Variants in LSG1 observed in about 807,000 individuals in gnomAD.
LSG1 encodes large 60S subunit nuclear export GTPase 1, also known as large subunit GTPase 1 homolog.
LSG1 carries 55 observed loss-of-function variants against 82.6 expected under a neutral mutation model. The observed-to-expected ratio is 0.67, with a 90% CI of 0.54 to 0.83. The LOEUF (loss-of-function observed/expected upper bound fraction) is 0.83. Among genes scored for constraint, LSG1 ranks in the 40% least tolerant of loss-of-function variants. The pLI, the probability that LSG1 is intolerant of heterozygous loss-of-function variation, is 0.00. For missense variants in LSG1, 809 were observed against 807.9 expected, an observed-to-expected ratio of 1.00 and a Z score of -0.02; for synonymous variants, 272 against 282.5, an observed-to-expected ratio of 0.96 and a Z score of 0.37.
In LSG1 at chr3:194,652,909, G is replaced by A. The variant is rs766896623; in HGVS notation, c.993C>T (p.Asp331=). Residue 331 remains aspartate, a synonymous_variant, in exon 8 of 14, where the codon GAC becomes GAT. Transcript: ENST00000265245. ...CSEEDGPKEE[D]CSQDWKESST... is the part of the protein sequence containing the mutation. ...AGCTTTCCTTCCAGTCCTGGCTGCA[G>A]TCCTCTTCCTTGGGACCGTCTTCTT... 2.5e-6 allele frequency: 4 copies of A among 1,614,024 alleles called. No individual in the cohort carries two copies. The African/African-American group carries it at 4.0e-5, about 16-fold the overall frequency.
intron 5 of LSG1, among the ~76,000 whole-genome samples, chr3:194,661,176 CCT>C (rs1349448627): frequency 1.3e-5 from 2 of 152,198 alleles, no homozygotes; most frequent in African/African-American, 4.8e-5. Context: ...TCAGCATAAT[CCT>C]CTGACACAAA....
At chr3:194,667,942 A>AAAAAAAAAAAAAAAATATAT (rs1416407494) in intron 2 of LSG1, among the ~76,000 whole-genome samples, 5 of 86,960 alleles carry the variant, frequency 5.7e-5, no homozygotes, top group Non-Finnish European at 8.2e-5. Flanking sequence ...AAAAAAAAAA[A>AAAAAAAAAAAAAAAATATAT]ATATATATAT....
At chr3:194,647,110 C>T (rs1037100829) in intron 11 of LSG1, among the ~76,000 whole-genome samples, 4 of 152,146 alleles carry the variant, frequency 2.6e-5, no homozygotes, top group African/African-American at 9.7e-5. Context: ...TCCTAATTTA[C>T]ACAATATACA....
At chr3:194,657,385 G>A (rs1273836273) in intron 7 of LSG1, among the ~76,000 whole-genome samples, 1 of 151,084 alleles carries the variant, frequency 6.6e-6, no homozygotes, top group Admixed American at 6.6e-5. Flanking sequence ...AAAAGGAACA[G>A]TACTCTCCTA....
Position 194,644,383 on chromosome 3 carries a change from A to AAAT in LSG1, c.1797+189_1797+190insATT, listed in dbSNP as rs1718468551. On this transcript the variant is annotated intron_variant, in intron 13 of 13. Transcript: ENST00000265245. Reference sequence around the variant, plus strand: ...GACTCCGTCTCAAAAAAAAAAAATAAAAATAAATAAATAAATAAATAAATA... The same window carrying AAAT: ...GACTCCGTCTCAAAAAAAAAAAATAAAATAAATAAATAAATAAATAAATAAATA... Among the ~76,000 whole-genome samples, 7 of 132,864 alleles carry AAAT rather than the reference A, an allele frequency of 5.3e-5. 1 individual carries two copies. The highest frequency in any genetic ancestry group is 6.4e-5 in the Non-Finnish European group (4 of 62,858). The allele number at this position is 132,864 out of a possible 152,430, so 87.2% of individuals were successfully genotyped here.
intron 10 of LSG1, among the ~76,000 whole-genome samples, chr3:194,649,605 G>A (rs1026157713): frequency 2.6e-5 from 4 of 151,670 alleles, no homozygotes; most frequent in African/African-American, 4.8e-5. Flanking sequence ...CAGGAGAATT[G>A]CTTGAACCCA....
intron 3 of LSG1, 24 bp downstream of exon 3, chr3:194,666,428 A>T (rs556471393): frequency 1.2e-6 from 2 of 1,609,600 alleles, no homozygotes; most frequent in African/African-American, 2.7e-5. Context: ...GTTTTGTGGC[A>T]TTCTAAATTC....
At chr3:194,653,767 G>A (rs1190704712) in intron 7 of LSG1, among the ~76,000 whole-genome samples, 1 of 152,160 alleles carries the variant, frequency 6.6e-6, no homozygotes. Context: ...CGGGTGCTAC[G>A]GCTCACGCCT....
At chr3:194,643,344 A>G (rs553327206) in intron 13 of LSG1, among the ~76,000 whole-genome samples, 7 of 152,366 alleles carry the variant, frequency 4.6e-5, no homozygotes, top group Non-Finnish European at 7.3e-5. Flanking sequence ...TAAATCATAA[A>G]TCTGATATGG....
intron 5 of LSG1, among the ~76,000 whole-genome samples, chr3:194,664,544 A>G (rs1773166): frequency 0.65 from 98,560 of 152,012 alleles, 32,637 homozygotes; most frequent in East Asian, 0.87. Context: ...TCTCCTTAGC[A>G]TTACATGAAA....
intron 11 of LSG1, 37 bp downstream of exon 11, chr3:194,648,644 T>TA: frequency 1.2e-6 from 2 of 1,608,608 alleles, no homozygotes; most frequent in Non-Finnish European, 8.5e-7. Context: ...GGTATACTGT[T>TA]ACTTTTGTTC....
At position 194,642,197 on chromosome 3, in the gene LSG1, C is replaced by T; in HGVS notation, c.1848G>A (p.Lys616=). The T allele has an allele frequency of 6.2e-7, 1 of 1,614,150 alleles. No individual in the cohort carries two copies. The highest frequency in any genetic ancestry group is 1.7e-5 in the Admixed American group (1 of 60,012). ...TKGVQAVMGY[K]PGSGVVTAST... ...ATGCAGTCACTACACCACTCCCGGG[C>T]TTGTAACCCATCACAGCCTGGACTC... Residue 616 remains lysine (K), a synonymous_variant, in exon 14 of 14, where the codon AAG becomes AAA. Coordinates refer to ENST00000265245, the MANE Select transcript of LSG1 (RefSeq NM_018385.3).
chr3:194,672,073 A>G lies in LSG1; in HGVS notation c.90T>C (p.Thr30=). The change falls in exon 1 of 14, where the codon ACT becomes ACC. Residue 30 remains threonine (T), a synonymous_variant. Coordinates refer to ENST00000265245, the MANE Select transcript of LSG1 (RefSeq NM_018385.3). ...QTQRSRSHRH[T]DSWLHTSELN... Reference sequence around the variant, plus strand: ...ACATGGTCTGTCTTACCCAGGAGTCAGTGTGACGATGGCTTCGGCTCCGCT... The same window carrying G: ...ACATGGTCTGTCTTACCCAGGAGTCGGTGTGACGATGGCTTCGGCTCCGCT... The G allele has an allele frequency of 6.2e-7, 1 of 1,612,186 alleles. No individual in the cohort carries two copies. The highest frequency in any genetic ancestry group is 8.5e-7 in the Non-Finnish European group (1 of 1,179,788).
intron 7 of LSG1, among the ~76,000 whole-genome samples, chr3:194,654,011 AG>A (rs1718741899): frequency 6.6e-6 from 1 of 152,268 alleles, no homozygotes; most frequent in Admixed American, 6.5e-5. Context: ...AGCATTTCTC[AG>A]GAACAACAAC....
intron 5 of LSG1, chr3:194,660,885 C>T (rs1030481387): frequency 8.8e-6 from 4 of 456,454 alleles, no homozygotes; most frequent in Non-Finnish European, 8.8e-6. Flanking sequence ...AGGTGTCCAG[C>T]ACTGCAAGGA....
intron 13 of LSG1, among the ~76,000 whole-genome samples, chr3:194,642,686 T>C (rs1043440969): frequency 6.6e-6 from 1 of 152,230 alleles, no homozygotes; most frequent in Non-Finnish European, 1.5e-5. Flanking sequence ...ATGAATTATA[T>C]TAAAATTATG....
intron 1 of LSG1, among the ~76,000 whole-genome samples, chr3:194,671,292 T>G (rs574984670): frequency 6.6e-6 from 1 of 152,306 alleles, no homozygotes; most frequent in South Asian, 2.1e-4. Flanking sequence ...ACCAGTAATC[T>G]AATGTCCAGA....
rs1719025281 is a variant in LSG1 at position 194,666,212 on chromosome 3, T to C, written c.425A>G (p.Gln142Arg). ...EKDNFLEWRR[Q>R]LVRLEEEQKL... ...AGTCTATAATACTCACCGGACAAGC[T>C]GACGTCTCCATTCTAGAAAGTTATC... Residue 142 changes from glutamine to arginine, a missense_variant, in exon 4 of 14, where the codon CAG (glutamine) becomes CGG (arginine). Transcript: ENST00000265245. 1.9e-6 allele frequency: 3 copies of C among 1,613,786 alleles called. No homozygotes were observed. The highest frequency in any genetic ancestry group is 1.6e-4 in the Middle Eastern group (1 of 6,084).
chr3:194,646,389 C>T lies in LSG1; in HGVS notation c.1544-146G>A. On this transcript the variant is annotated intron_variant, in intron 11 of 13. Coordinates refer to ENST00000265245, the MANE Select transcript of LSG1 (RefSeq NM_018385.3). ...TCATTGTAGAATATATATTGTTTAG[C>T]ATTAAAAACACTAGATAATCCAGGA... The T allele has an allele frequency of 5.3e-6, 3 of 570,748 alleles. No homozygotes were observed. The East Asian group carries it at 8.8e-5, about 17-fold the overall frequency. 35.4% of individuals were successfully genotyped at this position (570,748 alleles called of 1,614,324 possible). A position where few individuals can be genotyped will look rare whatever the true frequency, so the allele number is the denominator to read the frequency against.
Sources: gnomAD v4.1 joint callset for allele counts (sites outside exome capture counted in the v4.1 genomes callset) on GRCh38, gnomAD v4.1.1 for gene constraint, MANE v1.5 for transcripts, NCBI Gene and HGNC (gene_info 2026-07-23, HGNC 2026-07-21) for gene names.